The following TMEM150B variants were observed in gnomAD, a reference collection of about 807,000 sequenced individuals.
TMEM150B encodes modulator of macroautophagy TMEM150B.
TMEM150B carries 33 observed loss-of-function variants against 25.2 expected under a neutral mutation model. The ratio of observed to expected loss-of-function variants is 1.31; its 90% confidence interval spans 0.99 to 1.75. The LOEUF is 1.75. Ranked by LOEUF, TMEM150B falls within the 40% of genes most tolerant of loss-of-function variation. The pLI, the probability that TMEM150B is intolerant of heterozygous loss-of-function variation, is 0.00. For synonymous variants in TMEM150B, 133 were observed against 134.8 expected (o/e 0.99, Z 0.09); for missense variants, 322 against 306.1 (o/e 1.05, Z -0.39).
intron 6 of TMEM150B, among the ~76,000 whole-genome samples, chr19:55,317,748 T>G (rs2088712902): frequency 6.7e-6 from 1 of 148,812 alleles, no homozygotes; most frequent in Non-Finnish European, 1.5e-5. Context: ...ACCATTGCAC[T>G]CCAGCCTGGG....
At chr19:55,320,483 T>C in intron 4 of TMEM150B, 25 bp from the exon 5 acceptor site, 1 of 1,606,394 alleles carries the variant, frequency 6.2e-7, no homozygotes. Flanking sequence ...GGGGTCATCC[T>C]GGGCAATCCA....
At chr19:55,312,160 C>T (rs1220251997), downstream of TMEM150B, 11 of 594,054 alleles carry the variant, frequency 1.9e-5, no homozygotes, top group African/African-American at 7.9e-5. Context: ...AGGAACATGT[C>T]GGGAGGGGGG....
chr19:55,312,790 C>T (rs2088841565), downstream of TMEM150B: 10 of 1,448,836 alleles, frequency 6.9e-6, no homozygotes, highest in Admixed American at 6.4e-5. Context: ...TTGCTGGGTG[C>T]GGGGCACTGG....
intron 2 of TMEM150B, among the ~76,000 whole-genome samples, chr19:55,321,320 C>T (rs2089202491): frequency 6.7e-6 from 1 of 148,406 alleles, no homozygotes; most frequent in African/African-American, 2.6e-5. Flanking sequence ...CTTGCACCTC[C>T]CAGCCTCTCC....
Position 55,324,808 on chromosome 19 carries a change from G to T in TMEM150B, c.-154+464C>A, listed in dbSNP as rs1600238799. On this transcript the variant is annotated intron_variant, in intron 1 of 7. Transcript: ENST00000326652. Reference sequence around the variant, plus strand: ...CCTCCTTTCGCTTCTTTTTCCGGAGGTCTCCGTTTGCCCAGACATGAATCT... The same window carrying T: ...CCTCCTTTCGCTTCTTTTTCCGGAGTTCTCCGTTTGCCCAGACATGAATCT... The T allele has an allele frequency of 3.0e-6, 3 of 985,326 alleles. No individual in the cohort carries two copies. The East Asian group carries it at 3.4e-4, about 112-fold the overall frequency. The allele number at this position is 985,326 out of a possible 1,614,324, so 61.0% of individuals were successfully genotyped here.
intron 6 of TMEM150B, among the ~76,000 whole-genome samples, chr19:55,317,577 C>T (rs753697911): frequency 2.0e-5 from 3 of 151,800 alleles, no homozygotes; most frequent in Non-Finnish European, 4.4e-5. Context: ...GTCAGGAGTT[C>T]GAGACCAGCC....
chr19:55,321,234 A>G, intron 2 of TMEM150B, 141 bp from the exon 3 acceptor site: 1 of 1,219,948 alleles, frequency 8.2e-7, no homozygotes. Context: ...CAATTTCCCC[A>G]CCTATCCCGC....
downstream of TMEM150B, among the ~76,000 whole-genome samples, chr19:55,310,927 G>T (rs1443832329): frequency 6.6e-6 from 1 of 152,066 alleles, no homozygotes; most frequent in Admixed American, 6.6e-5. The surrounding 1 kb of genome is among the most constrained non-coding windows in gnomAD (Gnocchi z 5.0). Context: ...GCAGGCCTCC[G>T]AGTCACCGTG....
chr19:55,321,891 C>T (rs2089216522), intron 2 of TMEM150B, among the ~76,000 whole-genome samples: 1 of 152,108 alleles, frequency 6.6e-6, no homozygotes, highest in Non-Finnish European at 1.5e-5. Context: ...CACTGACAAC[C>T]CTGCCTCCTC....
At chr19:55,316,748 G>A in intron 7 of TMEM150B, 38 bp downstream of exon 7, 1 of 1,435,200 alleles carries the variant, frequency 7.0e-7, no homozygotes, top group Non-Finnish European at 9.1e-7. Flanking sequence ...CCAGTGAAGA[G>A]CCACCTCCAA....
intron 2 of TMEM150B, among the ~76,000 whole-genome samples, chr19:55,321,791 C>T (rs771123657): frequency 3.9e-5 from 6 of 152,162 alleles, no homozygotes; most frequent in Non-Finnish European, 8.8e-5. Context: ...AACCTCCCAG[C>T]TCTTACCTAC....
At chr19:55,312,469 C>T (rs71368838), downstream of TMEM150B, 1 of 157,854 alleles carries the variant, frequency 6.3e-6, no homozygotes, top group Non-Finnish European at 1.2e-5. Flanking sequence ...CGGATTTGCT[C>T]TCCGGAAGGA....
chr19:55,321,156 C>T, intron 2 of TMEM150B, 63 bp from the exon 3 acceptor site: 3 of 1,463,954 alleles, frequency 2.0e-6, no homozygotes, highest in Non-Finnish European at 2.7e-6. Context: ...CCACTAGGCC[C>T]CGCTTGGCTC....
rs764488485 is a variant in TMEM150B, at chr19:55,321,064, G to A, written c.-28C>T. On this transcript the variant is annotated 5_prime_UTR_variant, in exon 3 of 8. Coordinates refer to ENST00000326652, the MANE Select transcript of TMEM150B (RefSeq NM_001282011.2). ...CGGGCTCTGCAGGTGAAGGATCGGG[G>A]CTGAGGCTGGACACCTGTCTCTCTC... 11 of 1,604,118 alleles carry A rather than the reference G, an allele frequency of 6.9e-6. No homozygotes were observed. Among genetic ancestry groups the A allele is most frequent in the Middle Eastern group, 1.7e-4 (1 of 6,028 alleles).
At position 55,320,587 on chromosome 19, in the gene TMEM150B, C is replaced by G; in HGVS notation, c.99G>C (p.Val33=). 1 of 1,613,870 alleles carries G rather than the reference C, an allele frequency of 6.2e-7. No individual in the cohort carries two copies. The highest frequency in any genetic ancestry group is 8.5e-7 in the Non-Finnish European group (1 of 1,179,936). Residue 33 remains valine (V), a synonymous_variant, in exon 4 of 8, where the codon GTG becomes GTC. Coordinates refer to ENST00000326652, the MANE Select transcript of TMEM150B (RefSeq NM_001282011.2). ...VFAIAVTNRT[V]DLSKGFPYIS... is the part of the protein sequence containing the mutation. ...TGTAGGGAAAGCCTTTACTGAGGTC[C>G]ACAGTCCTGTTGGTCACTGCAATGG...
At chr19:55,324,945 G>C in intron 1 of TMEM150B, 1 of 934,710 alleles carries the variant, frequency 1.1e-6, no homozygotes, top group Non-Finnish European at 1.3e-6. Context: ...CCCAGGGGAG[G>C]GAGGGGTCCA....
At chr19:55,319,883 C>T (rs1253746183) in intron 6 of TMEM150B, 156 bp downstream of exon 6, 20 of 1,444,802 alleles carry the variant, frequency 1.4e-5, no homozygotes, top group Non-Finnish European at 1.7e-5. Flanking sequence ...AGGAATCCAG[C>T]CGGTCCAAGG....
chr19:55,311,685 G>A (rs2088799455), downstream of TMEM150B, among the ~76,000 whole-genome samples: 1 of 152,180 alleles, frequency 6.6e-6, no homozygotes, highest in Non-Finnish European at 1.5e-5. Flanking sequence ...GGGGCATAGG[G>A]TGCAGCCCCC....
At chr19:55,320,187 G>A in intron 5 of TMEM150B, 21 bp from the exon 6 acceptor site, 2 of 1,611,706 alleles carry the variant, frequency 1.2e-6, no homozygotes, top group Non-Finnish European at 1.7e-6. Flanking sequence ...AGGGGAGAAG[G>A]AAGTGGGAGG....
Sources: gnomAD v4.1 joint callset for allele counts (sites outside exome capture counted in the v4.1 genomes callset) on GRCh38, gnomAD v4.1.1 for gene constraint, Gnocchi (gnomAD v3.1) non-coding constraint, MANE v1.5 for transcripts, NCBI Gene and HGNC (gene_info 2026-07-23, HGNC 2026-07-21) for gene names.